Variants in ABCA1 observed in about 807,000 individuals in gnomAD.
ABCA1 encodes ATP binding cassette subfamily A member 1.
Under a neutral mutation model 262.5 loss-of-function variants are expected in ABCA1, and 133 were observed. The ratio of observed to expected loss-of-function variants is 0.51; its 90% CI spans 0.44 to 0.59. The LOEUF is 0.59. Ranked by LOEUF, ABCA1 falls within the 20% of genes least tolerant of loss-of-function variation. The probability of loss-of-function intolerance (pLI) is 0.00; values close to 1 mark genes in which losing one functional copy is unlikely to be tolerated. For missense variants in ABCA1, 2,452 were observed against 2,777.5 expected (o/e 0.88, Z 2.63); for synonymous variants, 1,022 against 1,043.5 (o/e 0.98, Z 0.40).
Position 104,816,183 on chromosome 9 carries a change from C to T in ABCA1, c.3698G>A (p.Gly1233Asp), listed in dbSNP as rs1286367433. 6.2e-7 allele frequency: 1 copy of T among 1,614,052 alleles called. No homozygotes were observed. Among genetic ancestry groups the T allele is most frequent in the Non-Finnish European group, 8.5e-7 (1 of 1,180,048 alleles). Residue 1233 changes from glycine to aspartate, a missense_variant, in exon 25 of 50, where the codon GGC becomes GAC. This residue lies in a region of ABCA1 where 665 missense variants were observed against 727.3 expected (regional missense o/e 0.91). Coordinates refer to ENST00000374736, the MANE Select transcript of ABCA1 (RefSeq NM_005502.4). ...HEIDDRLSDLGISSYGISETT... is the reference protein window; with the variant it reads ...HEIDDRLSDLDISSYGISETT... ...CTCTGAGATGCCATAACTAGAAATG[C>T]CCAGGTCTGAGAGCCGGTCATCAAT...
At chr9:104,896,536 A>G (rs1840213676) in intron 2 of ABCA1, among the ~76,000 whole-genome samples, 1 of 152,062 alleles carries the variant, frequency 6.6e-6, no homozygotes, top group African/African-American at 2.4e-5. Context: ...GAAAAAACAG[A>G]TAAAAATATC....
At chr9:104,831,194 AC>A in intron 13 of ABCA1, 93 bp from the exon 14 acceptor site, 1 of 1,142,038 alleles carries the variant, frequency 8.8e-7, no homozygotes, top group Non-Finnish European at 1.2e-6. Flanking sequence ...TACTACCCTT[AC>A]CAAGCCCCTT....
At chr9:104,824,349 G>A in intron 18 of ABCA1, 116 bp downstream of exon 18, 1 of 1,549,758 alleles carries the variant, frequency 6.5e-7, no homozygotes, top group Non-Finnish European at 8.7e-7. Context: ...TGATTTCTCT[G>A]CCCCTGGAGT....
Position 104,802,085 on chromosome 9 carries a change from T to C in ABCA1, c.4667A>G (p.Lys1556Arg). Residue 1556 changes from lysine (K) to arginine (R), a missense_variant, in exon 34 of 50, where the codon AAA (lysine) becomes AGA (arginine). Lys to Arg is a conservative substitution (Grantham distance 26, BLOSUM62 2). Around this residue, in one of 4 missense-constraint regions of ABCA1, gnomAD observed 752 missense variants for 944.5 expected, o/e 0.80. Transcript: ENST00000374736. Reference sequence around the variant, plus strand: ...CAGCTTTAGGTGTTTCTTCATTTGTTTGATGGCATCATTAACTTCTTGACT... The same window carrying C: ...CAGCTTTAGGTGTTTCTTCATTTGTCTGATGGCATCATTAACTTCTTGACT... ...PPSQEVNDAI[K>R]QMKKHLKLAK... 6.2e-7 allele frequency: 1 copy of C among 1,614,224 alleles called. No homozygotes were observed. The highest frequency in any genetic ancestry group is 8.5e-7 in the Non-Finnish European group (1 of 1,180,044).
chr9:104,816,104 G>A (rs899332838), intron 25 of ABCA1, 39 bp downstream of exon 25: 7 of 1,608,118 alleles, frequency 4.4e-6, no homozygotes, highest in Admixed American at 1.7e-5. Context: ...AGGACATTTG[G>A]CCTTGCTATA....
chr9:104,828,009 T>C (rs1436694209), intron 15 of ABCA1, among the ~76,000 whole-genome samples: 1 of 152,238 alleles, frequency 6.6e-6, no homozygotes, highest in African/African-American at 2.4e-5. Flanking sequence ...CTCCTTTTGC[T>C]TCAAAAACAT....
At chr9:104,906,478 A>T (rs1469873246) in intron 1 of ABCA1, among the ~76,000 whole-genome samples, 5 of 152,134 alleles carry the variant, frequency 3.3e-5, no homozygotes, top group African/African-American at 1.2e-4. Context: ...GTTGCTAAGA[A>T]GTAGCATAGA....
At chr9:104,868,816 C>T (rs965809898) in intron 5 of ABCA1, among the ~76,000 whole-genome samples, 13 of 152,306 alleles carry the variant, frequency 8.5e-5, no homozygotes, top group African/African-American at 3.1e-4. Flanking sequence ...AGCCGGGGAA[C>T]CAGCTGGGAC....
At chr9:104,851,914 A>G (rs752373933) in intron 7 of ABCA1, among the ~76,000 whole-genome samples, 3 of 152,260 alleles carry the variant, frequency 2.0e-5, no homozygotes, top group Non-Finnish European at 4.4e-5. Flanking sequence ...AGAAGTAGAA[A>G]ACACATCTGT....
At chr9:104,905,420 A>G (rs78858952) in intron 1 of ABCA1, among the ~76,000 whole-genome samples, 344 of 152,358 alleles carry the variant, frequency 2.3e-3, no homozygotes, top group African/African-American at 7.9e-3. Flanking sequence ...AAGAAAAGAC[A>G]GCCTACCACT....
chr9:104,916,341 T>TA (rs757385242), intron 1 of ABCA1, among the ~76,000 whole-genome samples: 3 of 152,188 alleles, frequency 2.0e-5, no homozygotes, highest in Non-Finnish European at 2.9e-5. Context: ...GATTCAAACT[T>TA]ACAAAGAACA....
intron 20 of ABCA1, 143 bp downstream of exon 20, chr9:104,821,232 A>C: frequency 9.3e-5 from 99 of 1,067,424 alleles, no homozygotes; most frequent in Non-Finnish European, 1.2e-4. Flanking sequence ...ACAGAGCGAG[A>C]CTCCATCTCA....
Position 104,822,743 on chromosome 9 carries a change from G to T in ABCA1, c.2657-76C>A, listed in dbSNP as rs937933114. ...GGAGTGTAAGGACACAGGGCACTGC[G>T]CTTGAACTTTCAGAAGTGCCTTCTC... On this transcript the variant is annotated intron_variant, in intron 18 of 49. Coordinates refer to ENST00000374736, the MANE Select transcript of ABCA1 (RefSeq NM_005502.4). 40 of 1,552,858 alleles carry T rather than the reference G, an allele frequency of 2.6e-5. No individual in the cohort carries two copies. In the Admixed American group the frequency reaches 5.4e-4, roughly 21 times the overall value.
At chr9:104,848,055 T>G (rs923540006) in intron 7 of ABCA1, among the ~76,000 whole-genome samples, 3 of 152,206 alleles carry the variant, frequency 2.0e-5, no homozygotes, top group Admixed American at 2.0e-4. Flanking sequence ...CACACACACA[T>G]ATACATCTTT....
chr9:104,821,282 C>CT, intron 20 of ABCA1, 93 bp downstream of exon 20: 1 of 1,528,974 alleles, frequency 6.5e-7, no homozygotes, highest in Non-Finnish European at 8.9e-7. Flanking sequence ...AAAAACACAG[C>CT]AAAGTAAAAT....
chr9:104,867,364 G>C (rs1837188999), intron 5 of ABCA1, among the ~76,000 whole-genome samples: 1 of 152,200 alleles, frequency 6.6e-6, no homozygotes, highest in African/African-American at 2.4e-5. Flanking sequence ...ACTGAGTAAG[G>C]TGCCCGGTAA....
chr9:104,808,599 A>G (rs1000645032), intron 30 of ABCA1, among the ~76,000 whole-genome samples: 11 of 152,228 alleles, frequency 7.2e-5, no homozygotes, highest in African/African-American at 2.7e-4. Flanking sequence ...AAACAAGCAC[A>G]CAGTAGCTAT....
chr9:104,869,036 A>G (rs962291625), intron 5 of ABCA1, among the ~76,000 whole-genome samples: 7 of 151,188 alleles, frequency 4.6e-5, no homozygotes, highest in Non-Finnish European at 7.4e-5. Flanking sequence ...GCTGGGAAAG[A>G]AGGAGGAAAG....
At chr9:104,832,444 G>T in intron 12 of ABCA1, 130 bp downstream of exon 12, 1 of 998,488 alleles carries the variant, frequency 1.0e-6, no homozygotes, top group Non-Finnish European at 1.5e-6. Context: ...CCTGTGTTAG[G>T]CTTGAGGGAT....
Sources: allele counts gnomAD v4.1 joint callset (sites outside exome capture counted in the v4.1 genomes callset), GRCh38; gene constraint gnomAD v4.1.1; regional missense constraint gnomAD v4.1.1; transcripts MANE v1.5; gene names NCBI Gene and HGNC (gene_info 2026-07-23, HGNC 2026-07-21).